DOP1B: variants seen among roughly 807,000 people sequenced by gnomAD.
DOP1B encodes the protein protein DOP1B.
DOP1B carries 174 observed loss-of-function variants against 233.5 expected under a neutral mutation model. The ratio of observed to expected loss-of-function variants is 0.75; its 90% CI spans 0.66 to 0.85. The LOEUF is 0.85. Ranked by LOEUF, DOP1B falls within the 40% of genes least tolerant of loss-of-function variation. The pLI is 0.00. For missense variants in DOP1B, 2,652 were observed against 2,846.6 expected, an observed-to-expected ratio of 0.93 and a Z score of 1.56; for synonymous variants, 1,190 against 1,185.6, an observed-to-expected ratio of 1.00 and a Z score of -0.08.
chr21:36,270,264 TA>T, intron 27 of DOP1B, 107 bp downstream of exon 27: 1 of 1,330,916 alleles, frequency 7.5e-7, no homozygotes, highest in South Asian at 1.4e-5. Context: ...AGAAAGTACT[TA>T]AGGTAGGCTG....
chr21:36,199,295 A>G (rs2243723), intron 3 of DOP1B, 44 bp downstream of exon 3: 337,868 of 1,577,394 alleles, frequency 0.21, 36,652 homozygotes, highest in Non-Finnish European at 0.22. Context: ...TACCCAAGTA[A>G]CCGGTATTTC....
At chr21:36,227,352 C>T (rs373496658) in intron 12 of DOP1B, among the ~76,000 whole-genome samples, 6 of 151,848 alleles carry the variant, frequency 4.0e-5, no homozygotes, top group East Asian at 3.9e-4. Context: ...TCGAGACCAT[C>T]CTGGCTAACA....
Position 36,263,586 on chromosome 21 carries a change from T to C in DOP1B, c.5356T>C (p.Leu1786=). ...PALQENFSSL[L]GVLKESVQLN... ...CTTGCAAGAGAACTTTTCTTCACTG[T>C]TGGGAGTATTGAAAGAGTCTGTACA... Residue 1786 remains leucine, a synonymous_variant, in exon 25 of 37, where the codon TTG becomes CTG. Coordinates refer to ENST00000691173, the MANE Select transcript of DOP1B (RefSeq NM_001320714.2). 6.2e-7 allele frequency: 1 copy of C among 1,614,192 alleles called. No homozygotes were observed. Among genetic ancestry groups the C allele is most frequent in the Non-Finnish European group, 8.5e-7 (1 of 1,180,042 alleles).
intron 2 of DOP1B, among the ~76,000 whole-genome samples, chr21:36,190,755 A>G (rs1246022398): frequency 6.6e-6 from 1 of 152,230 alleles, no homozygotes; most frequent in Non-Finnish European, 1.5e-5. Context: ...TATTTCTCAT[A>G]TGATACGTAT....
intron 2 of DOP1B, among the ~76,000 whole-genome samples, chr21:36,165,718 CTTTT>C (rs66857645): frequency 7.5e-6 from 1 of 132,932 alleles, no homozygotes; most frequent in Non-Finnish European, 1.6e-5. Context: ...TTAGGAGAAT[CTTTT>C]TTTTTTTTTT....
chr21:36,248,072 C>T (rs2066989963), intron 20 of DOP1B, among the ~76,000 whole-genome samples: 1 of 152,156 alleles, frequency 6.6e-6, no homozygotes, highest in Non-Finnish European at 1.5e-5. Context: ...AGTAGGCAGA[C>T]ATTTTAGCTG....
At chr21:36,173,868 A>T (rs939374129) in intron 2 of DOP1B, among the ~76,000 whole-genome samples, 7 of 41,098 alleles carry the variant, frequency 1.7e-4, no homozygotes, top group African/African-American at 6.9e-4. Context: ...AAAGCTCTTT[A>T]AAAAAAAAAA....
At chr21:36,186,510 A>C (rs2066167528) in intron 2 of DOP1B, among the ~76,000 whole-genome samples, 1 of 152,144 alleles carries the variant, frequency 6.6e-6, no homozygotes, top group South Asian at 2.1e-4. Context: ...GTTAACCCTG[A>C]CACACTGGGG....
At chr21:36,178,368 A>G (rs1384061188) in intron 2 of DOP1B, among the ~76,000 whole-genome samples, 1 of 151,868 alleles carries the variant, frequency 6.6e-6, no homozygotes, top group Non-Finnish European at 1.5e-5. Context: ...GTGTGGTAGC[A>G]TGCACCTGTA....
chr21:36,219,537 G>A (rs2066601398), intron 10 of DOP1B, 45 bp downstream of exon 10: 1 of 1,590,698 alleles, frequency 6.3e-7, no homozygotes, highest in Non-Finnish European at 8.6e-7. Flanking sequence ...TCCCTCCCCG[G>A]TACTGTGATT....
intron 18 of DOP1B, among the ~76,000 whole-genome samples, chr21:36,242,900 G>GT (rs1015064602): frequency 1.3e-4 from 19 of 151,452 alleles, no homozygotes; most frequent in African/African-American, 3.9e-4. Flanking sequence ...ATGGCATAGA[G>GT]TTTTTTTAAA....
At chr21:36,180,384 C>T (rs2066082945) in intron 2 of DOP1B, among the ~76,000 whole-genome samples, 1 of 151,854 alleles carries the variant, frequency 6.6e-6, no homozygotes, top group East Asian at 1.9e-4. Context: ...GCCTGGCCAA[C>T]ATGGTGAAAC....
intron 3 of DOP1B, 118 bp downstream of exon 3, chr21:36,199,369 T>A (rs7281674): frequency 0.58 from 741,203 of 1,274,514 alleles, 217,954 homozygotes; most frequent in African/African-American, 0.71. Context: ...TGCAACAGTT[T>A]ATCATAAAGC....
At chr21:36,227,408 G>T (rs569151697) in intron 12 of DOP1B, among the ~76,000 whole-genome samples, 86 of 151,308 alleles carry the variant, frequency 5.7e-4, no homozygotes, top group African/African-American at 1.8e-3. Context: ...TTAGCCGGGC[G>T]TGGTGGTGGG....
Position 36,293,370 on chromosome 21 carries a change from G to A in DOP1B, c.6696G>A (p.Leu2232=). 3 of 1,614,124 alleles carry A rather than the reference G, an allele frequency of 1.9e-6. No individual in the cohort carries two copies. Among genetic ancestry groups the A allele is most frequent in the Non-Finnish European group, 2.5e-6 (3 of 1,180,020 alleles). The part of the protein sequence containing the change: ...EITMKSEFPL[L]RQHSVSSIRQ... ...CCATGAAGAGTGAATTCCCGCTTCT[G>A]CGCCAACATTCTGTTTCCAGCATCA... The change falls in exon 37 of 37, where the codon CTG becomes CTA. Residue 2232 remains leucine, a synonymous_variant. Coordinates refer to ENST00000691173, the MANE Select transcript of DOP1B (RefSeq NM_001320714.2).
chr21:36,276,821 A>G (rs931248615), intron 27 of DOP1B, among the ~76,000 whole-genome samples, 200 bp from the exon 28 acceptor site: 3 of 145,946 alleles, frequency 2.1e-5, no homozygotes, highest in African/African-American at 7.7e-5. Flanking sequence ...AGCCTGGGTG[A>G]CAGGGTGAGA....
chr21:36,200,254 C>T lies in DOP1B; in HGVS notation c.321-77C>T. 3 of 1,491,536 alleles carry T rather than the reference C, an allele frequency of 2.0e-6. No homozygotes were observed. The South Asian group carries it at 4.1e-5, about 20-fold the overall frequency. The allele number at this position is 1,491,536 out of a possible 1,614,324, so 92.4% of individuals were successfully genotyped here. A position where few individuals can be genotyped will look rare whatever the true frequency, so the allele number is the denominator to read the frequency against. On this transcript the variant is annotated intron_variant, in intron 3 of 36. Transcript: ENST00000691173. ...CCAGCTGTTTGCTTGTGAAAACTCCCCTCGGCTGGCTTGTCACCTGGGACT... is the reference window on the plus strand; with the variant it reads ...CCAGCTGTTTGCTTGTGAAAACTCCTCTCGGCTGGCTTGTCACCTGGGACT...
intron 10 of DOP1B, among the ~76,000 whole-genome samples, chr21:36,219,717 C>A (rs1040381797): frequency 5.3e-5 from 8 of 151,852 alleles, no homozygotes; most frequent in Non-Finnish European, 8.8e-5. Flanking sequence ...TATAGTCTTT[C>A]CCCCAGCCTG....
At chr21:36,214,331 G>T in intron 8 of DOP1B, 111 bp from the exon 9 acceptor site, 1 of 1,286,784 alleles carries the variant, frequency 7.8e-7, no homozygotes, top group Non-Finnish European at 1.1e-6. Flanking sequence ...TTGCATGCTG[G>T]GTGACTGGTT....
Sources: allele counts gnomAD v4.1 joint callset (sites outside exome capture counted in the v4.1 genomes callset), GRCh38; gene constraint gnomAD v4.1.1; transcripts MANE v1.5; gene names NCBI Gene and HGNC (gene_info 2026-07-23, HGNC 2026-07-21).